Variants in GPHN observed in about 807,000 individuals in gnomAD.
The protein encoded by GPHN is gephyrin.
Under a neutral mutation model 95.5 loss-of-function variants are expected in GPHN, and 17 were observed. That is an observed-to-expected ratio of 0.18 (90% CI 0.12 to 0.27). The LOEUF (loss-of-function observed/expected upper bound fraction) is 0.27, where lower values mean the gene tolerates loss of function less well. GPHN is among the 10% of genes least tolerant of loss of function. GPHN has a pLI of 1.00. For synonymous variants in GPHN, 320 were observed against 322.5 expected (o/e 0.99, Z 0.08); for missense variants, 660 against 978.1 (o/e 0.67, Z 4.34).
At chr14:66,891,165 T>C (rs2064476905) in intron 5 of GPHN, among the ~76,000 whole-genome samples, 1 of 151,990 alleles carries the variant, frequency 6.6e-6, no homozygotes, top group South Asian at 2.1e-4. Context: ...GACATGATTA[T>C]ATATGTAGAA....
intron 2 of GPHN, among the ~76,000 whole-genome samples, chr14:66,684,635 A>G (rs940228337): frequency 1.3e-5 from 2 of 152,230 alleles, no homozygotes; most frequent in Admixed American, 6.5e-5. Flanking sequence ...CTGGGCTTGA[A>G]TGAACCAAGT....
chr14:66,846,378 A>G (rs979403846), intron 4 of GPHN, among the ~76,000 whole-genome samples: 88 of 152,190 alleles, frequency 5.8e-4, no homozygotes, highest in African/African-American at 2.1e-3. Context: ...TGCTAGGAAT[A>G]TGTGACACAA....
At chr14:66,957,684 GC>G (rs1357350647) in intron 8 of GPHN, among the ~76,000 whole-genome samples, 2 of 152,204 alleles carry the variant, frequency 1.3e-5, no homozygotes, top group East Asian at 3.9e-4. Flanking sequence ...CTATATGGCT[GC>G]TAGGTCTAGT....
intron 9 of GPHN, among the ~76,000 whole-genome samples, chr14:67,017,994 G>A (rs2073404372): frequency 6.6e-6 from 1 of 152,052 alleles, no homozygotes; most frequent in Non-Finnish European, 1.5e-5. Flanking sequence ...TCTGTACAAA[G>A]CAGTGTATTT....
intron 3 of GPHN, among the ~76,000 whole-genome samples, chr14:66,800,686 A>G (rs1271760737): frequency 1.3e-5 from 2 of 152,068 alleles, no homozygotes; most frequent in Non-Finnish European, 2.9e-5. Flanking sequence ...TTAGGGTTCA[A>G]TCTGCTTGAT....
chr14:67,177,535 T>G (rs886469907), intron 21 of GPHN, among the ~76,000 whole-genome samples: 2 of 152,240 alleles, frequency 1.3e-5, no homozygotes, highest in Admixed American at 1.3e-4. Flanking sequence ...GATGTGTTGC[T>G]GAGAAGAATG....
chr14:66,758,998 CAA>C (rs1021790663), intron 2 of GPHN, among the ~76,000 whole-genome samples: 6 of 152,122 alleles, frequency 3.9e-5, no homozygotes, highest in Non-Finnish European at 5.9e-5. Context: ...TTGTCAAAAA[CAA>C]ATCATGATAG....
intron 3 of GPHN, among the ~76,000 whole-genome samples, chr14:66,780,440 T>C (rs1345015255): frequency 6.6e-6 from 1 of 152,126 alleles, no homozygotes; most frequent in African/African-American, 2.4e-5. Context: ...AGGCAGAGTA[T>C]TAATATATTA....
At chr14:67,583,751 G>GGGACTT in the GPHN span, 1 of 1,610,954 alleles carries the variant, frequency 6.2e-7, no homozygotes, top group Non-Finnish European at 8.5e-7. Context: ...GTAGAATATG[G>GGGACTT]GGACTTGGAG....
intron 1 of GPHN, among the ~76,000 whole-genome samples, chr14:66,522,727 A>G (rs1251610053): frequency 6.6e-6 from 1 of 152,008 alleles, no homozygotes; most frequent in African/African-American, 2.4e-5. Flanking sequence ...GTGAAAATTA[A>G]TTATTTTACC....
At chr14:67,689,789 C>G in the GPHN span, among the ~76,000 whole-genome samples, 6 of 151,990 alleles carry the variant, frequency 3.9e-5, no homozygotes, top group Non-Finnish European at 1.5e-5. Context: ...ACTAAAAATA[C>G]AAAAATTAGC....
intron 10 of GPHN, among the ~76,000 whole-genome samples, chr14:67,029,655 G>A (rs139578028): frequency 7.8e-4 from 118 of 152,176 alleles, no homozygotes; most frequent in African/African-American, 2.7e-3. Flanking sequence ...ATTCTTTAGC[G>A]TAAAGGCACT....
Position 66,687,485 on chromosome 14 carries a change from G to GTT in GPHN, c.143+6300_143+6301insTT, listed in dbSNP as rs1468240848. Among the ~76,000 whole-genome samples the GTT allele has an allele frequency of 9.1e-3, 1,305 of 143,662 alleles. 6 individuals are homozygous for GTT. Among genetic ancestry groups the GTT allele is most frequent in the Middle Eastern group, 0.014 (4 of 280 alleles). 94.2% of individuals were successfully genotyped at this position (143,662 alleles called of 152,430 possible). ...TTACTTCTTTTTCTTTATTTTATTT[G>GTT]GTTTTTTTTTTTTTTTTTTTGAGAC... is the stretch of plus-strand genomic sequence containing the variant. On this transcript the variant is annotated intron_variant, in intron 2 of 22. Coordinates refer to ENST00000478722, the MANE Select transcript of GPHN (RefSeq NM_020806.5).
intron 10 of GPHN, among the ~76,000 whole-genome samples, chr14:67,053,529 G>C (rs1859270253): frequency 6.6e-6 from 1 of 152,140 alleles, no homozygotes; most frequent in Non-Finnish European, 1.5e-5. Flanking sequence ...AATTCTACGA[G>C]AGGTACAAAG....
the GPHN span, among the ~76,000 whole-genome samples, chr14:67,458,598 GAGAC>G: frequency 6.6e-6 from 1 of 152,302 alleles, no homozygotes; most frequent in East Asian, 1.9e-4. Context: ...CGGGAGAGGG[GAGAC>G]AGAGAGAGGC....
At chr14:67,041,060 G>T (rs973944423) in intron 10 of GPHN, among the ~76,000 whole-genome samples, 1 of 151,958 alleles carries the variant, frequency 6.6e-6, no homozygotes, top group Non-Finnish European at 1.5e-5. Flanking sequence ...TTGCCAAGTG[G>T]TGATTTTCTA....
intron 1 of GPHN, among the ~76,000 whole-genome samples, chr14:66,519,890 A>G (rs2058403324): frequency 6.6e-6 from 1 of 152,146 alleles, no homozygotes; most frequent in African/African-American, 2.4e-5. Context: ...AGCTGAAGAA[A>G]TTGTAGCAGA....
the GPHN span, chr14:67,340,460 T>G: frequency 2.7e-5 from 43 of 1,613,912 alleles, no homozygotes; most frequent in South Asian, 3.3e-5. Flanking sequence ...CTTCTCGCTC[T>G]CTCTCATCCA....
At chr14:66,738,851 C>T (rs1391050629) in intron 2 of GPHN, among the ~76,000 whole-genome samples, 1 of 152,070 alleles carries the variant, frequency 6.6e-6, no homozygotes, top group Admixed American at 6.5e-5. Flanking sequence ...GTTTGTTCCC[C>T]ACTTTCTCCT....
Sources: allele counts gnomAD v4.1 joint callset (sites outside exome capture counted in the v4.1 genomes callset), GRCh38; gene constraint gnomAD v4.1.1; transcripts MANE v1.5; gene names NCBI Gene and HGNC (gene_info 2026-07-23, HGNC 2026-07-21).